Variants in NFIA observed in about 807,000 individuals in gnomAD.
NFIA encodes the protein nuclear factor 1 A-type.
A neutral mutation model predicts 62.8 loss-of-function variants in NFIA; 8 were observed. That is an observed-to-expected ratio of 0.13 (90% CI 0.07 to 0.23). NFIA has a LOEUF of 0.23. Among genes scored for constraint, NFIA ranks in the 10% least tolerant of loss-of-function variants. The pLI is 1.00. For missense variants in NFIA, 410 were observed against 642.1 expected, an observed-to-expected ratio of 0.64 and a Z score of 3.91; for synonymous variants, 235 against 238.1, an observed-to-expected ratio of 0.99 and a Z score of 0.12.
intron 2 of NFIA, among the ~76,000 whole-genome samples, chr1:61,148,987 C>T (rs1460910021): frequency 6.6e-6 from 1 of 152,104 alleles, no homozygotes; most frequent in Non-Finnish European, 1.5e-5. Context: ...ATCCTCCTGC[C>T]CCAGCCGCAT....
intron 2 of NFIA, among the ~76,000 whole-genome samples, chr1:61,177,183 A>C (rs1650436304): frequency 6.6e-6 from 1 of 152,124 alleles, no homozygotes; most frequent in Non-Finnish European, 1.5e-5. Flanking sequence ...AAACCTTTCA[A>C]ATGCCCTACA....
intron 10 of NFIA, among the ~76,000 whole-genome samples, chr1:61,435,812 TA>T (rs958718832): frequency 3.3e-5 from 5 of 152,222 alleles, no homozygotes; most frequent in Non-Finnish European, 7.3e-5. Context: ...GATAGACTGT[TA>T]ATAGGATCTG....
At chr1:61,352,423 G>C in intron 4 of NFIA, 27 bp from the exon 5 acceptor site, 2 of 1,494,582 alleles carry the variant, frequency 1.3e-6, no homozygotes, top group South Asian at 2.3e-5. Flanking sequence ...GAATTTAACT[G>C]ATTTTTGTTT....
At chr1:61,306,033 T>TGG (rs1659759276) in intron 3 of NFIA, among the ~76,000 whole-genome samples, 1 of 150,696 alleles carries the variant, frequency 6.6e-6, no homozygotes, top group Non-Finnish European at 1.5e-5. Context: ...GTATTTTTTA[T>TGG]TAGAGACAGA....
At chr1:61,442,548 C>T (rs1373267354) in intron 10 of NFIA, among the ~76,000 whole-genome samples, 3 of 151,376 alleles carry the variant, frequency 2.0e-5, no homozygotes, top group East Asian at 3.9e-4. Context: ...TCCCATTCAC[C>T]ATTTTGTCAG....
chr1:61,183,270 T>C (rs921897345), intron 2 of NFIA, among the ~76,000 whole-genome samples: 1 of 152,158 alleles, frequency 6.6e-6, no homozygotes, highest in Non-Finnish European at 1.5e-5. Flanking sequence ...GGGATGGGAA[T>C]TGGGAGGTTT....
At chr1:61,228,994 A>G (rs1422810223) in intron 2 of NFIA, among the ~76,000 whole-genome samples, 3 of 152,208 alleles carry the variant, frequency 2.0e-5, no homozygotes, top group Non-Finnish European at 2.9e-5. Flanking sequence ...AAAGAATCTT[A>G]TAAGAACCCA....
intron 2 of NFIA, among the ~76,000 whole-genome samples, chr1:61,275,887 ATTAAT>A (rs1477598552): frequency 6.6e-6 from 1 of 152,128 alleles, no homozygotes; most frequent in Non-Finnish European, 1.5e-5. Flanking sequence ...TATATATAAT[ATTAAT>A]TTATGTAGTT....
intron 9 of NFIA, among the ~76,000 whole-genome samples, chr1:61,407,516 G>A (rs554346788): frequency 6.6e-6 from 1 of 152,330 alleles, no homozygotes; most frequent in African/African-American, 2.4e-5. Context: ...ATGCACAAAT[G>A]TGCCTTTTAT....
chr1:61,251,822 A>G (rs1378150849), intron 2 of NFIA, among the ~76,000 whole-genome samples: 1 of 152,198 alleles, frequency 6.6e-6, no homozygotes, highest in African/African-American at 2.4e-5. Flanking sequence ...AATAACAAAA[A>G]TATAAATAGA....
intron 2 of NFIA, among the ~76,000 whole-genome samples, chr1:61,260,774 G>A (rs927874209): frequency 6.6e-6 from 1 of 152,034 alleles, no homozygotes; most frequent in Non-Finnish European, 1.5e-5. Context: ...TAGAGACGGG[G>A]TTTCACCGTG....
At chr1:61,412,032 A>C (rs1263533277) in intron 9 of NFIA, among the ~76,000 whole-genome samples, 1 of 152,036 alleles carries the variant, frequency 6.6e-6, no homozygotes, top group Non-Finnish European at 1.5e-5. Flanking sequence ...CAGAGAGGTA[A>C]TGCCACCTAG....
intron 2 of NFIA, among the ~76,000 whole-genome samples, chr1:61,199,337 G>C (rs1310101531): frequency 6.6e-6 from 1 of 152,188 alleles, no homozygotes; most frequent in Non-Finnish European, 1.5e-5. Context: ...TCTGTTAATA[G>C]CTACCATTTA....
chr1:61,385,326 A>C (rs557425617), intron 7 of NFIA, among the ~76,000 whole-genome samples: 30 of 152,308 alleles, frequency 2.0e-4, no homozygotes, highest in African/African-American at 7.2e-4. Flanking sequence ...TAAGCAAAGG[A>C]AAGATTTGTG....
intron 2 of NFIA, among the ~76,000 whole-genome samples, chr1:61,168,779 A>G (rs1649752852): frequency 6.6e-6 from 1 of 152,232 alleles, no homozygotes; most frequent in Non-Finnish European, 1.5e-5. Context: ...TGTTGTCTAC[A>G]AACCCACAGC....
At chr1:61,162,016 G>T (rs1392631166) in intron 2 of NFIA, among the ~76,000 whole-genome samples, 3 of 152,156 alleles carry the variant, frequency 2.0e-5, no homozygotes, top group Non-Finnish European at 4.4e-5. Context: ...AGTTATGAAG[G>T]ACCTCATAGA....
chr1:61,451,647 T>C (rs2100589104), intron 10 of NFIA, among the ~76,000 whole-genome samples: 1 of 152,302 alleles, frequency 6.6e-6, no homozygotes, highest in South Asian at 2.1e-4. Flanking sequence ...GAGTGTGGAT[T>C]TGTGGACCTC....
At chr1:61,191,922 T>C (rs895508949) in intron 2 of NFIA, among the ~76,000 whole-genome samples, 2 of 152,016 alleles carry the variant, frequency 1.3e-5, no homozygotes. Flanking sequence ...TGACTTAAAA[T>C]TTACTAAAAA....
chr1:61,263,723 G>A (rs1246552837), intron 2 of NFIA, among the ~76,000 whole-genome samples: 3 of 152,166 alleles, frequency 2.0e-5, no homozygotes, highest in Admixed American at 6.5e-5. Flanking sequence ...GGCTGGGCAC[G>A]GTGGCTCACG....
Sources: gnomAD v4.1 joint callset for allele counts (sites outside exome capture counted in the v4.1 genomes callset) on GRCh38, gnomAD v4.1.1 for gene constraint, MANE v1.5 for transcripts, NCBI Gene and HGNC (gene_info 2026-07-23, HGNC 2026-07-21) for gene names.